Variants in XRCC6 observed in about 807,000 individuals in gnomAD.
The protein encoded by XRCC6 is DNA repair protein Ku70.
In XRCC6, 5 loss-of-function variants were observed where a neutral mutation model predicts 65.7. That is an observed-to-expected ratio of 0.08 (90% CI 0.04 to 0.16). The LOEUF is 0.16. Ranked by LOEUF, XRCC6 falls within the 10% of genes least tolerant of loss-of-function variation. XRCC6 has a pLI of 1.00. For missense variants in XRCC6, 447 were observed against 738.1 expected (o/e 0.61, Z 4.57); for synonymous variants, 270 against 270.6 (o/e 1.00, Z 0.02).
chr22:41,623,518 G>T (rs935788085), intron 2 of XRCC6, among the ~76,000 whole-genome samples: 1 of 151,662 alleles, frequency 6.6e-6, no homozygotes, highest in Middle Eastern at 3.2e-3. Context: ...CTCCCGAGTA[G>T]CTGGGACCAT....
Position 41,651,759 on chromosome 22 carries a change from C to T in XRCC6, c.1129+868C>T, listed in dbSNP as rs986745252. 3.3e-5 allele frequency among the ~76,000 whole-genome samples: 5 copies of T among 151,416 alleles called. No individual in the cohort carries two copies. In the South Asian group the frequency reaches 1.0e-3, roughly 32 times the overall value. ...GCCAGTCTGGTCTCGAACTCCTGAC[C>T]TCGTGAGCCACTGCACCTGGCCTTA... On this transcript the variant is annotated intron_variant, in intron 8 of 12. Transcript: ENST00000360079.
chr22:41,661,230 G>C, intron 11 of XRCC6, 101 bp from the exon 12 acceptor site: 1 of 975,420 alleles, frequency 1.0e-6, no homozygotes, highest in Non-Finnish European at 1.6e-6. Flanking sequence ...CACCTTAGCA[G>C]TTAGGTGCTC....
At chr22:41,634,287 G>A (rs28384719) in intron 3 of XRCC6, among the ~76,000 whole-genome samples, 8,034 of 151,808 alleles carry the variant, frequency 0.053, 489 homozygotes, top group African/African-American at 0.14. Context: ...CTGTGCTCAG[G>A]TGATCCTCCT....
intron 8 of XRCC6, among the ~76,000 whole-genome samples, 165 bp from the exon 9 acceptor site, chr22:41,653,364 A>G (rs962437103): frequency 1.3e-5 from 2 of 152,188 alleles, no homozygotes; most frequent in African/African-American, 4.8e-5. Flanking sequence ...TGATTGCAGC[A>G]CTGCACTCTA....
chr22:41,624,605 G>A (rs1160585989), intron 2 of XRCC6, among the ~76,000 whole-genome samples: 12 of 147,544 alleles, frequency 8.1e-5, no homozygotes, highest in South Asian at 6.5e-4. Flanking sequence ...GGAGAATGGC[G>A]TGAACCCGGG....
chr22:41,637,538 TA>T (rs2067822306), intron 5 of XRCC6, 69 bp from the exon 6 acceptor site: 3 of 1,343,474 alleles, frequency 2.2e-6, no homozygotes, highest in Non-Finnish European at 3.0e-6. Flanking sequence ...GTTTCAGTTT[TA>T]ACTGAAAGAA....
Position 41,663,727 on chromosome 22 carries a change from T to C in XRCC6, c.1742T>C (p.Leu581Pro). The change falls in exon 13 of 13, where the codon CTG becomes CCG. Residue 581 changes from leucine (L) to proline (P), a missense_variant. Transcript: ENST00000360079. ...CTGGGCAAGTTCACTGTGCCCATGC[T>C]GAAAGAGGCCTGCCGGGCTTACGGG... Reference protein sequence around the residue: ...GTLGKFTVPMLKEACRAYGLK... With the variant: ...GTLGKFTVPMPKEACRAYGLK... 1 of 1,613,996 alleles carries C rather than the reference T, an allele frequency of 6.2e-7. No homozygotes were observed. Among genetic ancestry groups the C allele is most frequent in the Non-Finnish European group, 8.5e-7 (1 of 1,179,880 alleles).
intron 10 of XRCC6, among the ~76,000 whole-genome samples, 180 bp downstream of exon 10, chr22:41,657,212 T>A (rs2068052899): frequency 6.6e-6 from 1 of 152,236 alleles, no homozygotes; most frequent in African/African-American, 2.4e-5. Context: ...TGTTGGAGAC[T>A]CTGGGATTTT....
chr22:41,626,230 C>T (rs998986960), intron 2 of XRCC6, among the ~76,000 whole-genome samples: 2 of 151,776 alleles, frequency 1.3e-5, no homozygotes, highest in African/African-American at 4.8e-5. Flanking sequence ...GCAGCCTCTG[C>T]GTCCCAGATT....
intron 2 of XRCC6, among the ~76,000 whole-genome samples, chr22:41,625,689 G>A (rs1173542906): frequency 6.6e-6 from 1 of 152,162 alleles, no homozygotes; most frequent in Non-Finnish European, 1.5e-5. Flanking sequence ...GGCAGGCCAG[G>A]CAAGGTGGCT....
At chr22:41,649,324 G>A (rs12167819) in intron 7 of XRCC6, among the ~76,000 whole-genome samples, 1 of 149,592 alleles carries the variant, frequency 6.7e-6, no homozygotes, top group East Asian at 2.0e-4. Context: ...ATGCCACCAC[G>A]CCTGGCTAAT....
chr22:41,638,776 C>CAAAAAA (rs56677816), intron 6 of XRCC6, among the ~76,000 whole-genome samples: 28 of 65,638 alleles, frequency 4.3e-4, no homozygotes, highest in African/African-American at 1.4e-3. Flanking sequence ...GACTCCGCCT[C>CAAAAAA]AAAAAAAAAA....
At chr22:41,643,217 A>C (rs943763005) in intron 6 of XRCC6, among the ~76,000 whole-genome samples, 2 of 151,574 alleles carry the variant, frequency 1.3e-5, no homozygotes, top group African/African-American at 4.8e-5. Flanking sequence ...GAGACCAGCC[A>C]CACCAACATG....
At chr22:41,653,804 A>T in intron 9 of XRCC6, 114 bp downstream of exon 9, 1 of 1,334,080 alleles carries the variant, frequency 7.5e-7, no homozygotes, top group Non-Finnish European at 1.0e-6. Context: ...GGGCTTAAAA[A>T]TGTCTATTTT....
intron 9 of XRCC6, among the ~76,000 whole-genome samples, chr22:41,655,189 C>T (rs1601554397): frequency 6.6e-6 from 1 of 152,178 alleles, no homozygotes; most frequent in East Asian, 1.9e-4. Context: ...AAGAGAAAGT[C>T]ATAAAGTGCT....
chr22:41,629,490 A>G (rs894807552), intron 3 of XRCC6, among the ~76,000 whole-genome samples: 1 of 152,206 alleles, frequency 6.6e-6, no homozygotes, highest in African/African-American at 2.4e-5. Context: ...AATATCCAGA[A>G]TAGGTAAGTT....
intron 6 of XRCC6, among the ~76,000 whole-genome samples, chr22:41,644,778 T>G (rs1238683092): frequency 6.6e-6 from 1 of 151,904 alleles, no homozygotes; most frequent in East Asian, 1.9e-4. Flanking sequence ...CATGAGCCAC[T>G]GCACCCGGCC....
At chr22:41,623,026 C>A (rs28741105) in intron 2 of XRCC6, among the ~76,000 whole-genome samples, 2,339 of 152,082 alleles carry the variant, frequency 0.015, 55 homozygotes, top group African/African-American at 0.052. Context: ...ACAACCACTA[C>A]CAGCATTTTG....
chr22:41,625,655 A>C lies in XRCC6; in HGVS notation c.83-2463A>C, dbSNP rs574038958. On this transcript the variant is annotated intron_variant, in intron 2 of 12. Coordinates refer to ENST00000360079, the MANE Select transcript of XRCC6 (RefSeq NM_001469.5). ...AGTAGGAAGGACAGAGGACTCTGTT[A>C]ATCTACACCAAAAGAGGTCAATCGG... 1.4e-4 allele frequency among the ~76,000 whole-genome samples: 22 copies of C among 151,928 alleles called. No homozygotes were observed. In the South Asian group the frequency reaches 2.5e-3, roughly 17 times the overall value.
Sources: allele counts gnomAD v4.1 joint callset (sites outside exome capture counted in the v4.1 genomes callset), GRCh38; gene constraint gnomAD v4.1.1; transcripts MANE v1.5; gene names NCBI Gene and HGNC (gene_info 2026-07-23, HGNC 2026-07-21).